The following ASB10 variants were observed in gnomAD, a reference collection of about 807,000 sequenced individuals.
ASB10 encodes ankyrin repeat and SOCS box containing 10, also known as ankyrin repeat and SOCS box protein 10.
In ASB10, 44 loss-of-function variants were observed where a neutral mutation model predicts 35.4. That is an observed-to-expected ratio of 1.24 (90% confidence interval 0.98 to 1.60). The LOEUF is 1.60. Ranked by LOEUF, ASB10 falls within the 40% of genes most tolerant of loss-of-function variation. The probability of loss-of-function intolerance (pLI) is 0.00; values close to 1 mark genes in which losing one functional copy is unlikely to be tolerated. For missense variants in ASB10, 647 were observed against 634.3 expected, an observed-to-expected ratio of 1.02 and a Z score of -0.22; for synonymous variants, 294 against 280.4, an observed-to-expected ratio of 1.05 and a Z score of -0.49.
intron 2 of ASB10, among the ~76,000 whole-genome samples, chr7:151,185,785 A>G (rs1204491818): frequency 6.6e-6 from 1 of 152,234 alleles, no homozygotes; most frequent in Non-Finnish European, 1.5e-5. Context: ...TATTCCCTAC[A>G]ATAAATGATA....
In ASB10 at chr7:151,183,061, C is replaced by G. The variant is rs116152665; in HGVS notation, c.585-1603G>C. On this transcript the variant is annotated intron_variant, in intron 2 of 5. Coordinates refer to ENST00000420175, the MANE Select transcript of ASB10 (RefSeq NM_001142459.2). ...GTGGAACCTCACTATCCAGTGGTAGCCACTAGCCACCTGTGGCTATCGAGT... is the reference window on the plus strand; with the variant it reads ...GTGGAACCTCACTATCCAGTGGTAGGCACTAGCCACCTGTGGCTATCGAGT... Among the ~76,000 whole-genome samples the G allele has an allele frequency of 5.2e-3, 788 of 152,298 alleles. 5 individuals carry two copies. Among genetic ancestry groups the G allele is most frequent in the African/African-American group, 0.018 (748 of 41,548 alleles).
intron 2 of ASB10, among the ~76,000 whole-genome samples, chr7:151,184,788 C>T (rs9986949): frequency 0.054 from 8,234 of 152,020 alleles, 765 homozygotes; most frequent in African/African-American, 0.19. Context: ...TTTGGGAGGC[C>T]GAGGCGGGCA....
intron 4 of ASB10, 83 bp downstream of exon 4, chr7:151,176,480 T>C: frequency 6.7e-7 from 1 of 1,482,646 alleles, no homozygotes; most frequent in Non-Finnish European, 9.0e-7. Flanking sequence ...CTTTGGGTAC[T>C]TTCTATGGGG....
chr7:151,187,516 G>T, upstream of ASB10: 1 of 1,551,460 alleles, frequency 6.4e-7, no homozygotes, highest in African/African-American at 1.4e-5. This position sits in a 1 kb window ranked among gnomAD's most constrained non-coding sequence, Gnocchi z 5.3. Context: ...CGGCTGTGCT[G>T]TGCGGGGGGA....
chr7:151,184,049 C>T (rs541956631), intron 2 of ASB10, among the ~76,000 whole-genome samples: 6 of 152,220 alleles, frequency 3.9e-5, no homozygotes, highest in South Asian at 2.1e-4. Context: ...TGTCCCTCAA[C>T]GGGTGAATGA....
At chr7:151,177,056 G>C (rs1466587856) in intron 3 of ASB10, among the ~76,000 whole-genome samples, 1 of 152,252 alleles carries the variant, frequency 6.6e-6, no homozygotes, top group Non-Finnish European at 1.5e-5. Flanking sequence ...CCATGGAACA[G>C]ATTCTCCCTC....
chr7:151,176,457 G>A, intron 4 of ASB10, 106 bp downstream of exon 4: 1 of 1,469,528 alleles, frequency 6.8e-7, no homozygotes, highest in Non-Finnish European at 9.1e-7. Flanking sequence ...TCTCTTCTGG[G>A]ACATGAGTGC....
chr7:151,187,179 CAG>C lies in ASB10; in HGVS notation c.-51_-50del, dbSNP rs34383739. The C allele has an allele frequency of 0.064, 71,014 of 1,116,648 alleles. No individual in the cohort carries two copies. The highest frequency in any genetic ancestry group is 0.15 in the South Asian group (8,705 of 58,614). The allele number at this position is 1,116,648 out of a possible 1,614,324, so 69.2% of individuals were successfully genotyped here. On this transcript the variant is annotated 5_prime_UTR_variant, in exon 1 of 6. Transcript: ENST00000420175. The surrounding 1 kb of genome is among the most constrained non-coding windows in gnomAD (Gnocchi z 5.3). ...GAGGAGGAGAGGTATATGCCAAAGGCAGAGAGAGAGAGAGAGAGCAGGAGGGA... is the reference window on the plus strand; with the variant it reads ...GAGGAGGAGAGGTATATGCCAAAGGCAGAGAGAGAGAGAGAGCAGGAGGGA...
intron 2 of ASB10, among the ~76,000 whole-genome samples, chr7:151,182,276 G>A (rs1801510159): frequency 6.6e-6 from 1 of 152,100 alleles, no homozygotes. Context: ...GGGGCAGTGG[G>A]ATAAAGAACA....
At chr7:151,177,630 C>G (rs1003158783) in intron 3 of ASB10, among the ~76,000 whole-genome samples, 6 of 152,118 alleles carry the variant, frequency 3.9e-5, no homozygotes, top group African/African-American at 7.2e-5. Context: ...GGGGGACTCA[C>G]AGAGGGAGGA....
intron 3 of ASB10, among the ~76,000 whole-genome samples, 153 bp from the exon 4 acceptor site, chr7:151,176,829 G>A (rs142499998): frequency 9.2e-5 from 14 of 152,312 alleles, no homozygotes; most frequent in East Asian, 7.7e-4. Flanking sequence ...TTTGGAAATA[G>A]GGTCTTTGCA....
intron 2 of ASB10, among the ~76,000 whole-genome samples, chr7:151,185,106 A>G (rs2150559750): frequency 6.9e-6 from 1 of 144,300 alleles, no homozygotes; most frequent in East Asian, 2.1e-4. Context: ...AATTTTACAT[A>G]TTTGTCTTTT....
chr7:151,175,798 C>T lies in ASB10; in HGVS notation c.*169G>A, dbSNP rs1397203041. ...GAGTGTGTCTTCATCAGACATCACC[C>T]GGCTGCCGCTGTCGGTCCGCTTCTC... On this transcript the variant is annotated 3_prime_UTR_variant, in exon 6 of 6. Transcript: ENST00000420175. 7 of 380,596 alleles carry T rather than the reference C, an allele frequency of 1.8e-5. No individual in the cohort carries two copies. The highest frequency in any genetic ancestry group is 3.3e-5 in the Non-Finnish European group (7 of 210,604). 23.6% of individuals were successfully genotyped at this position (380,596 alleles called of 1,614,324 possible).
At chr7:151,179,778 C>A (rs557889068) in intron 3 of ASB10, among the ~76,000 whole-genome samples, 1 of 152,276 alleles carries the variant, frequency 6.6e-6, no homozygotes, top group African/African-American at 2.4e-5. Flanking sequence ...CCTTTCGCTG[C>A]GCCGGGCCCT....
Position 151,187,109 on chromosome 7 carries a change from C to T in ASB10, c.22G>A (p.Glu8Lys), listed in dbSNP as rs953349384. The change falls in exon 1 of 6, where the codon GAA becomes AAA. Residue 8 changes from glutamate to lysine, a missense_variant. Physicochemically the swap from Glu to Lys is moderately conservative, Grantham distance 56. Transcript: ENST00000420175. The surrounding 1 kb of genome is among the most constrained non-coding windows in gnomAD (Gnocchi z 5.3). The part of the protein sequence containing the change: MLMSWSP[E>K]ECKGQGEPLD... Reference sequence around the variant, plus strand: ...GGCTCTCCCTGCCCCTTGCACTCTTCTGGAGACCAACTCATGAGCATGTGG... The same window carrying T: ...GGCTCTCCCTGCCCCTTGCACTCTTTTGGAGACCAACTCATGAGCATGTGG... 3 of 1,595,052 alleles carry T rather than the reference C, an allele frequency of 1.9e-6. No individual in the cohort carries two copies. The African/African-American group carries it at 4.0e-5, about 21-fold the overall frequency.
In ASB10 at chr7:151,187,151, G is replaced by T. The variant is rs1371489564; in HGVS notation, c.-21C>A. 6.4e-7 allele frequency: 1 copy of T among 1,566,556 alleles called. No individual in the cohort carries two copies. The highest frequency in any genetic ancestry group is 8.7e-7 in the Non-Finnish European group (1 of 1,155,156). ...AGCATGTGGGCAGGGAAAGGGGAGT[G>T]GGGAGGAGGAGAGGTATATGCCAAA... On this transcript the variant is annotated 5_prime_UTR_variant, in exon 1 of 6. Transcript: ENST00000420175. The surrounding 1 kb of genome is among the most constrained non-coding windows in gnomAD (Gnocchi z 5.3).
chr7:151,179,509 C>G (rs991814568), intron 3 of ASB10, among the ~76,000 whole-genome samples: 1 of 152,214 alleles, frequency 6.6e-6, no homozygotes, highest in Non-Finnish European at 1.5e-5. Context: ...TACACCCATA[C>G]GAACAAGCAT....
rs1388497612 is a variant in ASB10 at position 151,175,736 on chromosome 7, C to G, written c.*231G>C. On this transcript the variant is annotated 3_prime_UTR_variant, in exon 6 of 6. Coordinates refer to ENST00000420175, the MANE Select transcript of ASB10 (RefSeq NM_001142459.2). ...ATTTTTAATGCACATACAGGGTTTG[C>G]ACAGGCTAGAAGGGGGCCTCAGGAG... The G allele has an allele frequency of 9.2e-6, 2 of 216,252 alleles. No individual in the cohort carries two copies. Among genetic ancestry groups the G allele is most frequent in the African/African-American group, 4.6e-5 (2 of 43,450 alleles). The allele number at this position is 216,252 out of a possible 1,614,324, so 13.4% of individuals were successfully genotyped here. A position where few individuals can be genotyped will look rare whatever the true frequency, so the allele number is the denominator to read the frequency against.
chr7:151,177,969 C>T (rs1393189378), intron 3 of ASB10, among the ~76,000 whole-genome samples: 1 of 152,150 alleles, frequency 6.6e-6, no homozygotes, highest in Non-Finnish European at 1.5e-5. Context: ...AAGAAGGAGC[C>T]GGGCGTGGCG....
Sources: allele counts gnomAD v4.1 joint callset (sites outside exome capture counted in the v4.1 genomes callset), GRCh38; gene constraint gnomAD v4.1.1; non-coding constraint Gnocchi (gnomAD v3.1); transcripts MANE v1.5; gene names NCBI Gene and HGNC (gene_info 2026-07-23, HGNC 2026-07-21).